The following ARID3B variants were observed in gnomAD, a reference collection of about 807,000 sequenced individuals.
ARID3B encodes AT-rich interactive domain-containing protein 3B.
In ARID3B, 10 loss-of-function variants were observed where a neutral mutation model predicts 51.9. That is an observed-to-expected ratio of 0.19 (90% CI 0.12 to 0.33). The LOEUF is 0.33. Ranked by LOEUF, ARID3B falls within the 10% of genes least tolerant of loss-of-function variation. The pLI is 1.00. For synonymous variants in ARID3B, 205 were observed against 279.5 expected (o/e 0.73, Z 2.66); for missense variants, 483 against 716.3 (o/e 0.67, Z 3.72).
At chr15:74,544,689 CTTTTT>C (rs398057829) in intron 2 of ARID3B, among the ~76,000 whole-genome samples, 6 of 136,628 alleles carry the variant, frequency 4.4e-5, no homozygotes, top group Admixed American at 7.4e-5. Context: ...ATATGTTACT[CTTTTT>C]TTTTTTTTTT....
At chr15:74,579,924 C>T (rs1263241095) in intron 4 of ARID3B, among the ~76,000 whole-genome samples, 1 of 151,994 alleles carries the variant, frequency 6.6e-6, no homozygotes, top group Non-Finnish European at 1.5e-5. Flanking sequence ...GACGCATTGG[C>T]TCATGCCTGT....
intron 4 of ARID3B, among the ~76,000 whole-genome samples, chr15:74,576,326 C>T (rs145176587): frequency 2.1e-3 from 312 of 152,176 alleles, no homozygotes; most frequent in African/African-American, 7.4e-3. Context: ...CCCGTTGAGA[C>T]CCTCTGGCAT....
rs1268934459 is a variant in ARID3B, at chr15:74,591,162, A to G, written c.893A>G (p.Tyr298Cys). The G allele has an allele frequency of 6.3e-7, 1 of 1,597,484 alleles. No individual in the cohort carries two copies. Among genetic ancestry groups the G allele is most frequent in the Non-Finnish European group, 8.6e-7 (1 of 1,166,996 alleles). Residue 298 changes from tyrosine (Y) to cysteine (C), a missense_variant, in exon 6 of 9, where the codon TAT becomes TGT. Tyr to Cys is a radical substitution (Grantham distance 194, BLOSUM62 -2). Coordinates refer to ENST00000346246, the MANE Select transcript of ARID3B (RefSeq NM_006465.4). The surrounding 1 kb of genome is among the most constrained non-coding windows in gnomAD (Gnocchi z 5.8). ...AFTLRTQYMKYLYAYECEKKA... is the reference protein window; with the variant it reads ...AFTLRTQYMKCLYAYECEKKA... ...TTCCTTTCCTCCAGGTACATGAAGT[A>G]TCTGTATGCCTATGAGTGTGAGAAG...
intron 2 of ARID3B, among the ~76,000 whole-genome samples, chr15:74,561,242 T>G (rs1056149454): frequency 6.6e-6 from 1 of 152,228 alleles, no homozygotes; most frequent in Non-Finnish European, 1.5e-5. Context: ...TTCTTAATAC[T>G]TTATGGTTGT....
rs1266849332 is a variant in ARID3B at position 74,595,776 on chromosome 15, G to T, written c.*2G>T. 1 of 1,601,896 alleles carries T rather than the reference G, an allele frequency of 6.2e-7. No individual in the cohort carries two copies. The highest frequency in any genetic ancestry group is 8.5e-7 in the Non-Finnish European group (1 of 1,172,788). ...CCCTCCACCAGCTGGTCCCTCTGAT[G>T]GGCAGGACCCAGCTTCCCACTTGCC... On this transcript the variant is annotated 3_prime_UTR_variant, in exon 9 of 9. Coordinates refer to ENST00000346246, the MANE Select transcript of ARID3B (RefSeq NM_006465.4).
chr15:74,545,976 G>T lies in ARID3B; in HGVS notation c.552+1488G>T, dbSNP rs368241365. On this transcript the variant is annotated intron_variant, in intron 2 of 8. Coordinates refer to ENST00000346246, the MANE Select transcript of ARID3B (RefSeq NM_006465.4). ...ACCGAGCTAGCACATGTGAAAGCTT[G>T]TCCAGTGCCAGGCACATGGTAGGTA... Among the ~76,000 whole-genome samples, 71 of 152,336 alleles carry T rather than the reference G, an allele frequency of 4.7e-4. 1 individual carries two copies. Among genetic ancestry groups the T allele is most frequent in the African/African-American group, 1.6e-3 (67 of 41,580 alleles).
chr15:74,569,901 G>A (rs2061713002), intron 2 of ARID3B, among the ~76,000 whole-genome samples: 1 of 152,184 alleles, frequency 6.6e-6, no homozygotes, highest in South Asian at 2.1e-4. Context: ...AGCCCCAGCT[G>A]AATTGACCAT....
At chr15:74,570,818 G>C (rs2061716757) in intron 2 of ARID3B, among the ~76,000 whole-genome samples, 1 of 152,206 alleles carries the variant, frequency 6.6e-6, no homozygotes, top group Admixed American at 6.5e-5. Flanking sequence ...CATTGTGCTA[G>C]TTGCCACCAG....
intron 4 of ARID3B, chr15:74,574,638 A>G (rs1316772468): frequency 1.3e-5 from 2 of 152,146 alleles, no homozygotes; most frequent in African/African-American, 4.8e-5. Context: ...AAGCCCATCA[A>G]AGCAATCTGA....
intron 2 of ARID3B, among the ~76,000 whole-genome samples, chr15:74,570,348 C>A (rs990806013): frequency 6.6e-6 from 1 of 151,922 alleles, no homozygotes; most frequent in Non-Finnish European, 1.5e-5. Context: ...TGCTGTCCTT[C>A]TGTGGAAAGC....
chr15:74,595,068 C>A (rs1264934615), intron 8 of ARID3B, among the ~76,000 whole-genome samples: 1 of 152,194 alleles, frequency 6.6e-6, no homozygotes, highest in Non-Finnish European at 1.5e-5. Flanking sequence ...CAGTCACCCA[C>A]CCCACCTGGC....
intron 4 of ARID3B, among the ~76,000 whole-genome samples, chr15:74,576,687 C>G (rs2061739197): frequency 6.6e-6 from 1 of 152,000 alleles, no homozygotes; most frequent in African/African-American, 2.4e-5. Flanking sequence ...TTATGAAAAT[C>G]ATCTTACCTC....
chr15:74,596,330 C>T lies in ARID3B; in HGVS notation c.*556C>T. 4.3e-6 allele frequency: 1 copy of T among 233,748 alleles called. No homozygotes were observed. Among genetic ancestry groups the T allele is most frequent in the Non-Finnish European group, 8.5e-6 (1 of 118,136 alleles). The allele number at this position is 233,748 out of a possible 1,614,324, so 14.5% of individuals were successfully genotyped here. A position where few individuals can be genotyped will look rare whatever the true frequency, so the allele number is the denominator to read the frequency against. The stretch of plus-strand genomic sequence containing the variant: ...GTTCCTGGGGTACGGGTCCCTCAAA[C>T]ACAAGTCTTGAATCAGTCCTCAGGG... On this transcript the variant is annotated 3_prime_UTR_variant, in exon 9 of 9. Transcript: ENST00000346246.
Position 74,593,356 on chromosome 15 carries a change from C to G in ARID3B, c.1519+120C>G, listed in dbSNP as rs1246668313. ...ACCTCCCACAGTGGCTTCCTTTTTC[C>G]TGGTCTCAGAGTTGCAAAGGTCAAG... On this transcript the variant is annotated intron_variant, in intron 8 of 8. Coordinates refer to ENST00000346246, the MANE Select transcript of ARID3B (RefSeq NM_006465.4). 8.9e-6 allele frequency: 8 copies of G among 901,264 alleles called. 1 individual carries two copies. The Admixed American group carries it at 1.2e-4, about 13-fold the overall frequency. The allele number at this position is 901,264 out of a possible 1,614,324, so 55.8% of individuals were successfully genotyped here.
At position 74,597,788 on chromosome 15, in the gene ARID3B, G is replaced by C. The variant is rs1191655892; in HGVS notation, c.*2014G>C. ...TCCTCTCCCTTTCCCCAGGCAGCTC[G>C]CCTGGCCACACCGTTGGAGTGAACC... On this transcript the variant is annotated 3_prime_UTR_variant, in exon 9 of 9. Coordinates refer to ENST00000346246, the MANE Select transcript of ARID3B (RefSeq NM_006465.4). 2.2e-6 allele frequency: 1 copy of C among 460,476 alleles called. No homozygotes were observed. Among genetic ancestry groups the C allele is most frequent in the Non-Finnish European group, 4.2e-6 (1 of 239,090 alleles). The allele number at this position is 460,476 out of a possible 1,614,324, so 28.5% of individuals were successfully genotyped here.
intron 2 of ARID3B, among the ~76,000 whole-genome samples, chr15:74,549,075 C>CT (rs913800985): frequency 3.3e-5 from 5 of 150,084 alleles, no homozygotes; most frequent in African/African-American, 9.8e-5. Context: ...ACTTTTCTTT[C>CT]TTTTTTTTTC....
At chr15:74,546,134 G>C (rs538929046) in intron 2 of ARID3B, among the ~76,000 whole-genome samples, 1 of 152,354 alleles carries the variant, frequency 6.6e-6, no homozygotes, top group South Asian at 2.1e-4. Context: ...TAGTGGCAGA[G>C]CTAGGACTAG....
chr15:74,542,298 C>T (rs926796451), intron 1 of ARID3B, among the ~76,000 whole-genome samples: 4 of 152,176 alleles, frequency 2.6e-5, no homozygotes, highest in Non-Finnish European at 5.9e-5. Context: ...TAAATCTTGT[C>T]ATGCTTTTTT....
At chr15:74,555,741 G>C (rs930380644) in intron 2 of ARID3B, among the ~76,000 whole-genome samples, 2 of 150,506 alleles carry the variant, frequency 1.3e-5, no homozygotes, top group African/African-American at 4.9e-5. Flanking sequence ...GGATCCATAA[G>C]AGGAATCCCT....
Sources: allele counts gnomAD v4.1 joint callset (sites outside exome capture counted in the v4.1 genomes callset), GRCh38; gene constraint gnomAD v4.1.1; non-coding constraint Gnocchi (gnomAD v3.1); transcripts MANE v1.5; gene names NCBI Gene and HGNC (gene_info 2026-07-23, HGNC 2026-07-21).